KDM2A: variants seen among roughly 807,000 people sequenced by gnomAD.
KDM2A encodes lysine-specific demethylase 2A.
Under a neutral mutation model 137.3 loss-of-function variants are expected in KDM2A, and 3 were observed. The observed-to-expected ratio is 0.02, with a 90% CI of 0.01 to 0.06. The LOEUF (loss-of-function observed/expected upper bound fraction) is 0.06. Among genes scored for constraint, KDM2A ranks in the 10% least tolerant of loss-of-function variants. KDM2A has a pLI of 1.00. For missense variants in KDM2A, 738 were observed against 1,510.6 expected, an observed-to-expected ratio of 0.49 and a Z score of 8.48; for synonymous variants, 512 against 541.5, an observed-to-expected ratio of 0.95 and a Z score of 0.76.
chr11:67,203,113 C>G (rs1017055929), intron 5 of KDM2A, among the ~76,000 whole-genome samples: 2 of 152,114 alleles, frequency 1.3e-5, no homozygotes, highest in African/African-American at 4.8e-5. Flanking sequence ...CAGCAGCCCT[C>G]AACAATGAGG....
intron 12 of KDM2A, among the ~76,000 whole-genome samples, chr11:67,238,683 A>G (rs1858938763): frequency 6.6e-6 from 1 of 152,226 alleles, no homozygotes; most frequent in Admixed American, 6.5e-5. Flanking sequence ...CTGTACCAGA[A>G]ACTCACTCAA....
At chr11:67,143,374 A>G (rs1856165654) in intron 2 of KDM2A, 1 of 152,064 alleles carries the variant, frequency 6.6e-6, no homozygotes, top group Non-Finnish European at 1.5e-5. Context: ...TAGCATCGGT[A>G]TGAAATAGTG....
intron 15 of KDM2A, among the ~76,000 whole-genome samples, chr11:67,247,080 T>TTA (rs1859268757): frequency 1.2e-5 from 1 of 82,432 alleles, no homozygotes; most frequent in African/African-American, 5.2e-5. Flanking sequence ...TATTTTTTTT[T>TTA]TTTTTTTTTT....
At chr11:67,212,804 A>G (rs1858033040) in intron 6 of KDM2A, among the ~76,000 whole-genome samples, 1 of 152,058 alleles carries the variant, frequency 6.6e-6, no homozygotes, top group Admixed American at 6.6e-5. Flanking sequence ...AAATACTCAT[A>G]TGTTCTGAAC....
intron 2 of KDM2A, among the ~76,000 whole-genome samples, chr11:67,140,797 C>G (rs1182203948): frequency 6.6e-6 from 1 of 151,888 alleles, no homozygotes; most frequent in Non-Finnish European, 1.5e-5. Flanking sequence ...TTTATATTAA[C>G]CTTTCTGTCT....
chr11:67,211,163 C>A (rs935988350), intron 6 of KDM2A, among the ~76,000 whole-genome samples: 1 of 152,092 alleles, frequency 6.6e-6, no homozygotes, highest in African/African-American at 2.4e-5. Context: ...CTTCATTTAT[C>A]TAGGTTTTTT....
At chr11:67,228,979 C>T (rs1478068540) in intron 11 of KDM2A, among the ~76,000 whole-genome samples, 3 of 152,152 alleles carry the variant, frequency 2.0e-5, no homozygotes, top group Non-Finnish European at 4.4e-5. Context: ...CCTGCCTCCA[C>T]CTCCCAAATT....
rs1590839130 is a variant in KDM2A, at chr11:67,257,662, C to A, written c.*2607C>A. ...TCCATAAATAAAACTCCTAAAGTCACTTATGTTTAAAGGGTTTGGTTGTGT... is the reference window on the plus strand; with the variant it reads ...TCCATAAATAAAACTCCTAAAGTCAATTATGTTTAAAGGGTTTGGTTGTGT... On this transcript the variant is annotated 3_prime_UTR_variant, in exon 21 of 21. Transcript: ENST00000529006. 2.6e-5 allele frequency: 4 copies of A among 152,126 alleles called. No individual in the cohort carries two copies. Among genetic ancestry groups the A allele is most frequent in the Non-Finnish European group, 5.9e-5 (4 of 68,020 alleles). 9.4% of individuals were successfully genotyped at this position (152,126 alleles called of 1,614,324 possible).
intron 12 of KDM2A, among the ~76,000 whole-genome samples, chr11:67,232,698 T>TA (rs1477840271): frequency 2.0e-5 from 3 of 150,890 alleles, no homozygotes; most frequent in African/African-American, 2.4e-5. Flanking sequence ...TTTTTTTTTT[T>TA]AATTTTAATT....
At chr11:67,223,552 A>G (rs1481501664) in intron 10 of KDM2A, among the ~76,000 whole-genome samples, 1 of 151,922 alleles carries the variant, frequency 6.6e-6, no homozygotes, top group Non-Finnish European at 1.5e-5. Context: ...ACAGACGCAC[A>G]CCACCACACC....
chr11:67,201,055 G>C (rs558549889), intron 5 of KDM2A, among the ~76,000 whole-genome samples: 1 of 151,874 alleles, frequency 6.6e-6, no homozygotes, highest in East Asian at 1.9e-4. Flanking sequence ...TTAGCCGGGC[G>C]TGGTGGCGGG....
At position 67,246,051 on chromosome 11, in the gene KDM2A, G is replaced by A. The variant is rs778247209; in HGVS notation, c.1900G>A (p.Asp634Asn). The change falls in exon 15 of 21, where the codon GAC (aspartate) becomes AAC (asparagine). Residue 634 changes from aspartate (D) to asparagine (N), a missense_variant. Asp to Asn is a conservative substitution (Grantham distance 23). Around this residue, in one of 9 missense-constraint regions of KDM2A, gnomAD observed 20 missense variants for 62.3 expected, o/e 0.32. Coordinates refer to ENST00000529006, the MANE Select transcript of KDM2A (RefSeq NM_012308.3). ...GGTGGATCAGAATGAAGAGACACAAGACTTTGAGAAGAAACTCATGGAATG... is the reference window on the plus strand; with the variant it reads ...GGTGGATCAGAATGAAGAGACACAAAACTTTGAGAAGAAACTCATGGAATG... ...GEVDQNEETQ[D>N]FEKKLMECCI... is the part of the protein sequence containing the mutation. 7.4e-6 allele frequency: 12 copies of A among 1,613,988 alleles called. No individual in the cohort carries two copies. The highest frequency in any genetic ancestry group is 1.0e-5 in the Non-Finnish European group (12 of 1,179,876).
At chr11:67,140,607 G>A (rs1856077339) in intron 2 of KDM2A, among the ~76,000 whole-genome samples, 1 of 152,026 alleles carries the variant, frequency 6.6e-6, no homozygotes, top group African/African-American at 2.4e-5. Context: ...CAAAAAATTA[G>A]CCAGGCGTTG....
chr11:67,128,159 C>T (rs560947904), intron 2 of KDM2A, among the ~76,000 whole-genome samples: 1 of 152,048 alleles, frequency 6.6e-6, no homozygotes, highest in Admixed American at 6.5e-5. Context: ...CATGCCACCA[C>T]ACCTGGCTTA....
At chr11:67,189,807 C>T (rs1187309737) in intron 5 of KDM2A, among the ~76,000 whole-genome samples, 1 of 152,030 alleles carries the variant, frequency 6.6e-6, no homozygotes, top group Non-Finnish European at 1.5e-5. Flanking sequence ...ACATTGCACT[C>T]CAGCCGGGGC....
chr11:67,177,234 C>G (rs948840390), intron 2 of KDM2A, among the ~76,000 whole-genome samples: 3 of 152,084 alleles, frequency 2.0e-5, no homozygotes, highest in Non-Finnish European at 4.4e-5. Context: ...CCATTGCACT[C>G]CAGCCTGGGC....
chr11:67,131,230 G>A (rs1231686780), intron 2 of KDM2A, among the ~76,000 whole-genome samples: 1 of 151,604 alleles, frequency 6.6e-6, no homozygotes, highest in Admixed American at 6.6e-5. Context: ...AGGCTGAGGT[G>A]GGAGAATCGC....
chr11:67,205,735 A>G (rs1323626447), intron 5 of KDM2A, among the ~76,000 whole-genome samples: 1 of 151,624 alleles, frequency 6.6e-6, no homozygotes, highest in Non-Finnish European at 1.5e-5. Context: ...GCCCGTCTTG[A>G]CCTCCCAGAG....
intron 8 of KDM2A, among the ~76,000 whole-genome samples, chr11:67,216,338 C>T (rs1858159852): frequency 6.6e-6 from 1 of 152,192 alleles, no homozygotes; most frequent in Non-Finnish European, 1.5e-5. Flanking sequence ...AAATTAAGAT[C>T]TAAACCAACT....
Sources: allele counts gnomAD v4.1 joint callset (sites outside exome capture counted in the v4.1 genomes callset), GRCh38; gene constraint gnomAD v4.1.1; regional missense constraint gnomAD v4.1.1; transcripts MANE v1.5; gene names NCBI Gene and HGNC (gene_info 2026-07-23, HGNC 2026-07-21).